FAM13A: variants seen among roughly 807,000 people sequenced by gnomAD.
FAM13A encodes protein FAM13A.
FAM13A carries 76 observed loss-of-function variants against 129.6 expected under a neutral mutation model. The observed-to-expected ratio is 0.59, with a 90% CI of 0.49 to 0.71. The LOEUF (loss-of-function observed/expected upper bound fraction) is 0.71, where lower values mean the gene tolerates loss of function less well. FAM13A is among the 30% of genes least tolerant of loss of function. FAM13A has a pLI of 0.00. For synonymous variants in FAM13A, 443 were observed against 449.9 expected (o/e 0.98, Z 0.20); for missense variants, 1,108 against 1,249.3 (o/e 0.89, Z 1.70).
At chr4:88,834,578 G>A (rs1287636186) in intron 7 of FAM13A, among the ~76,000 whole-genome samples, 1 of 151,842 alleles carries the variant, frequency 6.6e-6, no homozygotes, top group Non-Finnish European at 1.5e-5. Flanking sequence ...AAAATACTAA[G>A]TAGAAAAAAA....
intron 7 of FAM13A, among the ~76,000 whole-genome samples, chr4:88,847,483 C>T (rs1343703224): frequency 1.3e-5 from 2 of 152,198 alleles, no homozygotes; most frequent in Non-Finnish European, 2.9e-5. Context: ...ACCAGAAGAA[C>T]AAATAGTTGC....
chr4:88,984,131 A>C (rs1004711764), intron 4 of FAM13A, among the ~76,000 whole-genome samples: 1 of 152,164 alleles, frequency 6.6e-6, no homozygotes, highest in Non-Finnish European at 1.5e-5. Flanking sequence ...CCTTTATACC[A>C]TTCACAAAAG....
rs995122211 is a variant in FAM13A, at chr4:89,033,676, C to T, written c.28-4027G>A. Among the ~76,000 whole-genome samples, 6 of 152,204 alleles carry T rather than the reference C, an allele frequency of 3.9e-5. No individual in the cohort carries two copies. The South Asian group carries it at 8.3e-4, about 21-fold the overall frequency. The stretch of plus-strand genomic sequence containing the variant: ...AACATCAATAATTATGATATTAGGA[C>T]CTGAATAAAGATGGCGTTCATCAAT... On this transcript the variant is annotated intron_variant, in intron 1 of 23. Transcript: ENST00000264344.
chr4:88,881,308 T>G (rs1479902671), intron 6 of FAM13A, among the ~76,000 whole-genome samples: 4 of 152,192 alleles, frequency 2.6e-5, no homozygotes, highest in African/African-American at 9.7e-5. Context: ...CAGGACTCTG[T>G]GCAGACACTC....
chr4:88,773,395 T>C (rs1721074154), intron 11 of FAM13A, among the ~76,000 whole-genome samples: 2 of 152,226 alleles, frequency 1.3e-5, no homozygotes, highest in African/African-American at 4.8e-5. Context: ...TTCCTGCCTC[T>C]TCCCACCAAT....
At chr4:88,777,445 G>A (rs899747248) in intron 11 of FAM13A, among the ~76,000 whole-genome samples, 5 of 152,304 alleles carry the variant, frequency 3.3e-5, no homozygotes, top group South Asian at 4.1e-4. Context: ...AAGGGCACAG[G>A]TATGAGCTTG....
chr4:88,815,006 A>AT (rs1730435789), intron 7 of FAM13A, among the ~76,000 whole-genome samples: 1 of 151,900 alleles, frequency 6.6e-6, no homozygotes, highest in African/African-American at 2.4e-5. Flanking sequence ...TGCACAGATA[A>AT]TTTTTAAAAA....
intron 8 of FAM13A, among the ~76,000 whole-genome samples, chr4:88,795,473 A>G (rs1038913339): frequency 6.6e-6 from 1 of 151,798 alleles, no homozygotes; most frequent in African/African-American, 2.4e-5. Context: ...GTTTTAGCAT[A>G]AAAAGAAATG....
intron 4 of FAM13A, among the ~76,000 whole-genome samples, chr4:88,985,993 T>C (rs1762195976): frequency 6.6e-6 from 1 of 152,148 alleles, no homozygotes; most frequent in Non-Finnish European, 1.5e-5. Context: ...TACACACTTA[T>C]TTTTACCAAA....
intron 6 of FAM13A, among the ~76,000 whole-genome samples, chr4:88,896,889 C>A (rs960233823): frequency 1.3e-5 from 2 of 152,144 alleles, no homozygotes; most frequent in Non-Finnish European, 2.9e-5. Context: ...TTATTTTATA[C>A]CTTCATACTA....
intron 8 of FAM13A, among the ~76,000 whole-genome samples, chr4:88,795,807 A>G (rs188164925): frequency 6.6e-6 from 1 of 151,832 alleles, no homozygotes; most frequent in Non-Finnish European, 1.5e-5. Context: ...ATAATGCAGA[A>G]AATTTTTATT....
At chr4:88,910,654 CTT>C (rs201111714) in intron 5 of FAM13A, among the ~76,000 whole-genome samples, 11 of 142,672 alleles carry the variant, frequency 7.7e-5, no homozygotes, top group Admixed American at 1.4e-4. Flanking sequence ...GGTTTTAATT[CTT>C]TTTTTTTTTT....
chr4:88,772,945 A>G (rs1265408811), intron 11 of FAM13A, among the ~76,000 whole-genome samples: 1 of 152,228 alleles, frequency 6.6e-6, no homozygotes, highest in Admixed American at 6.5e-5. Context: ...GGAGACTGAT[A>G]TAAGTTAGAA....
chr4:88,930,919 T>G (rs1399638965), intron 5 of FAM13A, among the ~76,000 whole-genome samples: 1 of 152,162 alleles, frequency 6.6e-6, no homozygotes, highest in Non-Finnish European at 1.5e-5. Flanking sequence ...GCTTGCTCTT[T>G]CCTGTCCTTC....
chr4:88,749,635 C>A, intron 16 of FAM13A, 136 bp downstream of exon 16: 1 of 787,338 alleles, frequency 1.3e-6, no homozygotes, highest in East Asian at 2.6e-5. Flanking sequence ...GGTGTACTAT[C>A]CAGGGTTTAC....
At chr4:88,736,613 CTA>C (rs1739034722) in intron 21 of FAM13A, 1 of 152,192 alleles carries the variant, frequency 6.6e-6, no homozygotes, top group East Asian at 1.9e-4. Flanking sequence ...TTTTTCATCT[CTA>C]GAGTTCTGTA....
intron 3 of FAM13A, among the ~76,000 whole-genome samples, chr4:89,019,445 G>A (rs1301279402): frequency 3.3e-5 from 5 of 152,058 alleles, no homozygotes; most frequent in Non-Finnish European, 7.4e-5. Context: ...TAATGACTAT[G>A]CCTATAATTA....
At chr4:88,970,487 T>C (rs1238066607) in intron 4 of FAM13A, among the ~76,000 whole-genome samples, 1 of 151,116 alleles carries the variant, frequency 6.6e-6, no homozygotes, top group Non-Finnish European at 1.5e-5. Flanking sequence ...ATATATCAGA[T>C]ATATAGATAC....
At chr4:88,889,489 GAA>G (rs938651973) in intron 6 of FAM13A, among the ~76,000 whole-genome samples, 14 of 152,118 alleles carry the variant, frequency 9.2e-5, no homozygotes, top group African/African-American at 3.4e-4. Context: ...CATGATAAAA[GAA>G]ATGGAAAAAT....
Sources: gnomAD v4.1 joint callset for allele counts (sites outside exome capture counted in the v4.1 genomes callset) on GRCh38, gnomAD v4.1.1 for gene constraint, MANE v1.5 for transcripts, NCBI Gene and HGNC (gene_info 2026-07-23, HGNC 2026-07-21) for gene names.